Variants in COL22A1 observed in about 807,000 individuals in gnomAD.
The protein encoded by COL22A1 is collagen alpha-1(XXII) chain.
In COL22A1, 221 loss-of-function variants were observed where a neutral mutation model predicts 248.9. The ratio of observed to expected loss-of-function variants is 0.89; its 90% CI spans 0.80 to 0.99. COL22A1 has a LOEUF of 0.99. COL22A1 is among the 50% of genes least tolerant of loss of function. COL22A1 has a pLI of 0.00. For synonymous variants in COL22A1, 891 were observed against 793.4 expected (o/e 1.12, Z -2.07); for missense variants, 2,240 against 2,179.0 (o/e 1.03, Z -0.56).
chr8:138,625,963 C>T (rs1489709459), intron 51 of COL22A1, among the ~76,000 whole-genome samples: 1 of 152,036 alleles, frequency 6.6e-6, no homozygotes, highest in East Asian at 1.9e-4. Context: ...TAAGAAACAA[C>T]CAATATACGC....
intron 41 of COL22A1, among the ~76,000 whole-genome samples, chr8:138,670,832 G>A (rs1031226374): frequency 5.3e-5 from 8 of 151,762 alleles, no homozygotes; most frequent in East Asian, 1.9e-4. Flanking sequence ...ATGGTGGCTC[G>A]CACCTGTAGT....
chr8:138,708,107 C>T (rs7825565), intron 30 of COL22A1, among the ~76,000 whole-genome samples: 77,995 of 151,886 alleles, frequency 0.51, 20,059 homozygotes, highest in East Asian at 0.73. Flanking sequence ...TCAAGGAGAA[C>T]TACAAACCAC....
chr8:138,756,206 G>C (rs1291923726), intron 18 of COL22A1, among the ~76,000 whole-genome samples: 1 of 152,180 alleles, frequency 6.6e-6, no homozygotes, highest in Non-Finnish European at 1.5e-5. Context: ...TGTGAGAGCT[G>C]TGATGATATA....
intron 1 of COL22A1, 49 bp from the exon 2 acceptor site, chr8:138,883,293 G>A (rs913154988): frequency 3.9e-6 from 4 of 1,025,076 alleles, no homozygotes; most frequent in Admixed American, 4.8e-5. Flanking sequence ...CTGAAAGTCT[G>A]TGAGAGGCAA....
At chr8:138,715,567 TTTAAA>T in intron 30 of COL22A1, 110 bp downstream of exon 30, 4 of 429,358 alleles carry the variant, frequency 9.3e-6, no homozygotes, top group Non-Finnish European at 1.1e-5. Flanking sequence ...AGACTCTCAT[TTTAAA>T]AAAAAAAAAA....
intron 12 of COL22A1, among the ~76,000 whole-genome samples, chr8:138,783,923 G>A (rs1299209862): frequency 6.6e-6 from 1 of 152,168 alleles, no homozygotes; most frequent in African/African-American, 2.4e-5. Context: ...GGCATGGAAG[G>A]ACCTGCTGTG....
intron 3 of COL22A1, among the ~76,000 whole-genome samples, chr8:138,871,968 A>T (rs1823380406): frequency 6.6e-6 from 1 of 152,156 alleles, no homozygotes; most frequent in Admixed American, 6.6e-5. Flanking sequence ...TACCAGACTA[A>T]TCTCCCTGAT....
chr8:138,714,079 T>C (rs1294803167), intron 30 of COL22A1, among the ~76,000 whole-genome samples: 4 of 152,178 alleles, frequency 2.6e-5, no homozygotes, highest in Non-Finnish European at 4.4e-5. Flanking sequence ...TCTGTTACAC[T>C]GTGATTTAAA....
chr8:138,827,758 C>T (rs1057117776), intron 5 of COL22A1, among the ~76,000 whole-genome samples: 1 of 151,848 alleles, frequency 6.6e-6, no homozygotes, highest in African/African-American at 2.4e-5. Context: ...GTCCCTCTGT[C>T]CTCGGAGCAC....
chr8:138,636,817 A>C, intron 47 of COL22A1, 22 bp from the exon 48 acceptor site: 1 of 1,599,268 alleles, frequency 6.3e-7, no homozygotes. Context: ...AAAAAAGAAA[A>C]GAAAGATGTC....
chr8:138,699,340 A>T (rs80048510), intron 32 of COL22A1, among the ~76,000 whole-genome samples: 1 of 152,276 alleles, frequency 6.6e-6, no homozygotes, highest in East Asian at 1.9e-4. Context: ...AATGGAATCG[A>T]CTTAATATTG....
At chr8:138,782,843 C>T (rs889633580) in intron 12 of COL22A1, among the ~76,000 whole-genome samples, 2 of 152,180 alleles carry the variant, frequency 1.3e-5, no homozygotes, top group Non-Finnish European at 2.9e-5. Context: ...TGGAAGCACC[C>T]CACCAGCGCA....
intron 63 of COL22A1, among the ~76,000 whole-genome samples, chr8:138,593,202 C>T (rs1433316799): frequency 1.3e-5 from 2 of 152,012 alleles, no homozygotes; most frequent in Admixed American, 6.6e-5. Flanking sequence ...GAACATCACA[C>T]ACCAGGGCCT....
At chr8:138,684,805 C>G (rs1365227826) in intron 38 of COL22A1, among the ~76,000 whole-genome samples, 2 of 152,182 alleles carry the variant, frequency 1.3e-5, no homozygotes, top group African/African-American at 4.8e-5. Context: ...TCACTTCAGG[C>G]TGAAGGGCTT....
At chr8:138,778,328 T>C in intron 15 of COL22A1, 25 bp downstream of exon 15, 2 of 1,614,112 alleles carry the variant, frequency 1.2e-6, no homozygotes, top group Non-Finnish European at 1.7e-6. Flanking sequence ...GTAGAACCCC[T>C]GCCCAGACAA....
At chr8:138,870,447 G>T (rs770930025) in intron 3 of COL22A1, among the ~76,000 whole-genome samples, 1 of 151,854 alleles carries the variant, frequency 6.6e-6, no homozygotes, top group Non-Finnish European at 1.5e-5. Flanking sequence ...TGTGCAGTGT[G>T]TGTGGTGTGT....
chr8:138,835,564 CT>C (rs1820364404), intron 4 of COL22A1, among the ~76,000 whole-genome samples: 1 of 152,192 alleles, frequency 6.6e-6, no homozygotes. Flanking sequence ...CAGGGCCCAG[CT>C]TGCTGAGTTC....
intron 1 of COL22A1, among the ~76,000 whole-genome samples, chr8:138,896,091 A>G (rs899795788): frequency 2.0e-5 from 3 of 152,254 alleles, no homozygotes; most frequent in African/African-American, 7.2e-5. Context: ...TCTCATAAGA[A>G]GGAAAACTAA....
In COL22A1 at chr8:138,618,813, T is replaced by G. The variant is rs1260659918; in HGVS notation, c.3825+642A>C. The stretch of plus-strand genomic sequence containing the variant: ...TGAAATTATGAAGAGGTGAAACATT[T>G]AGCATAAAACCCAATAACCCTAAAA... On this transcript the variant is annotated intron_variant, in intron 53 of 64. Transcript: ENST00000303045. Among the ~76,000 whole-genome samples the G allele has an allele frequency of 2.0e-5, 3 of 152,180 alleles. No homozygotes were observed. The East Asian group carries it at 5.8e-4, about 29-fold the overall frequency.
Sources: allele counts gnomAD v4.1 joint callset (sites outside exome capture counted in the v4.1 genomes callset), GRCh38; gene constraint gnomAD v4.1.1; transcripts MANE v1.5; gene names NCBI Gene and HGNC (gene_info 2026-07-23, HGNC 2026-07-21).